The following SHROOM3 variants were observed in gnomAD, a reference collection of about 807,000 sequenced individuals.
SHROOM3 encodes the protein protein Shroom3.
In SHROOM3, 47 loss-of-function variants were observed where a neutral mutation model predicts 138.6. The observed-to-expected ratio is 0.34, with a 90% CI of 0.27 to 0.43. The LOEUF (loss-of-function observed/expected upper bound fraction) is 0.43, where lower values mean the gene tolerates loss of function less well. SHROOM3 is among the 20% of genes least tolerant of loss of function. The pLI is 1.00. For synonymous variants in SHROOM3, 1,062 were observed against 1,063.3 expected (o/e 1.00, Z 0.02); for missense variants, 2,491 against 2,596.5 (o/e 0.96, Z 0.88).
At chr4:76,682,866 T>C (rs912908705) in intron 2 of SHROOM3, among the ~76,000 whole-genome samples, 1 of 152,206 alleles carries the variant, frequency 6.6e-6, no homozygotes, top group South Asian at 2.1e-4. Context: ...GTTGGTGACA[T>C]AGCAATGACA....
At chr4:76,764,182 G>T (rs969603584) in intron 9 of SHROOM3, among the ~76,000 whole-genome samples, 2 of 151,314 alleles carry the variant, frequency 1.3e-5, no homozygotes, top group Admixed American at 6.6e-5. Context: ...CCAAGTAAAT[G>T]TAAGTATCAG....
chr4:76,752,063 C>T (rs1159567127), intron 6 of SHROOM3, among the ~76,000 whole-genome samples: 1 of 152,164 alleles, frequency 6.6e-6, no homozygotes, highest in African/African-American at 2.4e-5. Flanking sequence ...TGGAAACAAC[C>T]CAAATGTCTA....
rs942131056 is a variant in SHROOM3, at chr4:76,740,803, G to T, written c.2630G>T (p.Gly877Val). The T allele has an allele frequency of 1.2e-6, 2 of 1,608,282 alleles. No individual in the cohort carries two copies. The highest frequency in any genetic ancestry group is 1.3e-5 in the African/African-American group (1 of 74,714). ...GGAGGAGCGTCGGACAGCGGCCGTGGCCCCCAGAGGCCGGACGCTCGGCTC... is the reference window on the plus strand; with the variant it reads ...GGAGGAGCGTCGGACAGCGGCCGTGTCCCCCAGAGGCCGGACGCTCGGCTC... Reference protein sequence around the residue: ...LSGGASDSGRGPQRPDARLLR... With the variant: ...LSGGASDSGRVPQRPDARLLR... Residue 877 changes from glycine to valine, a missense_variant, in exon 5 of 11, where the codon GGC becomes GTC. Physicochemically the swap from Gly to Val is moderately radical, Grantham distance 109. Coordinates refer to ENST00000296043, the MANE Select transcript of SHROOM3 (RefSeq NM_020859.4). The surrounding 1 kb of genome is among the most constrained non-coding windows in gnomAD (Gnocchi z 4.0).
intron 2 of SHROOM3, among the ~76,000 whole-genome samples, chr4:76,562,835 T>A (rs1733627929): frequency 6.6e-6 from 1 of 152,224 alleles, no homozygotes; most frequent in African/African-American, 2.4e-5. Context: ...GGAACAGAAC[T>A]CCCTATTTTT....
intron 2 of SHROOM3, among the ~76,000 whole-genome samples, chr4:76,638,153 C>A (rs1735556205): frequency 6.6e-6 from 1 of 152,054 alleles, no homozygotes. Flanking sequence ...TTTTTAATAG[C>A]ACCAAATGTG....
At chr4:76,754,152 TC>T (rs1225917132) in intron 6 of SHROOM3, among the ~76,000 whole-genome samples, 158 bp from the exon 7 acceptor site, 3 of 152,192 alleles carry the variant, frequency 2.0e-5, no homozygotes, top group Non-Finnish European at 2.9e-5. Flanking sequence ...ACTTGGGTCT[TC>T]CTGTGAGCAG....
intron 2 of SHROOM3, among the ~76,000 whole-genome samples, chr4:76,609,014 G>A (rs1734707354): frequency 6.6e-6 from 1 of 152,030 alleles, no homozygotes; most frequent in East Asian, 1.9e-4. Flanking sequence ...AAACTTAGGG[G>A]TATAGGAGAA....
At chr4:76,730,783 G>A (rs1257568376) in intron 3 of SHROOM3, 21 bp from the exon 4 acceptor site, 1 of 1,613,668 alleles carries the variant, frequency 6.2e-7, no homozygotes. Flanking sequence ...ATGTTGGGGG[G>A]TCCCTCCTGT....
chr4:76,667,791 AC>A (rs1718744279), intron 2 of SHROOM3, among the ~76,000 whole-genome samples: 1 of 149,280 alleles, frequency 6.7e-6, no homozygotes, highest in South Asian at 2.1e-4. Context: ...ACACGCTGAA[AC>A]CCCGCCTCTA....
chr4:76,599,539 A>G (rs2110054079), intron 2 of SHROOM3, among the ~76,000 whole-genome samples: 1 of 152,298 alleles, frequency 6.6e-6, no homozygotes, highest in Middle Eastern at 3.4e-3. Context: ...TTTTTGGAGA[A>G]AGCAGTTTTT....
chr4:76,756,446 C>T lies in SHROOM3; in HGVS notation c.4710-3C>T. The T allele has an allele frequency of 6.2e-7, 1 of 1,600,240 alleles. No homozygotes were observed. On this transcript the variant is annotated splice_polypyrimidine_tract_variant and splice_region_variant and intron_variant, in intron 7 of 10. Transcript: ENST00000296043. The stretch of plus-strand genomic sequence containing the variant: ...TTTTTTTTTTTTTAAATATCCCTGG[C>T]AGCTTCAACAAACTTTCTAAAGTGA...
rs748721181 is a variant in SHROOM3 at position 76,739,568 on chromosome 4, C to G, written c.1395C>G (p.Thr465=). ...KAQPGQPLLP[T]SIYPVPSLEP... ...AACCTGGCCAACCTCTGCTGCCGACCAGCATCTACCCGGTACCTTCCCTGG... is the reference window on the plus strand; with the variant it reads ...AACCTGGCCAACCTCTGCTGCCGACGAGCATCTACCCGGTACCTTCCCTGG... Residue 465 remains threonine, a synonymous_variant, in exon 5 of 11, where the codon ACC becomes ACG. Transcript: ENST00000296043. The G allele has an allele frequency of 8.7e-6, 14 of 1,614,092 alleles. No homozygotes were observed. In the African/African-American group the frequency reaches 1.9e-4, roughly 22 times the overall value.
chr4:76,609,568 G>A (rs922963644), intron 2 of SHROOM3, among the ~76,000 whole-genome samples: 2 of 152,158 alleles, frequency 1.3e-5, no homozygotes, highest in Non-Finnish European at 2.9e-5. Flanking sequence ...ATTGCAACTG[G>A]CCCTCAGAAT....
At chr4:76,563,922 A>G (rs964903603) in intron 2 of SHROOM3, among the ~76,000 whole-genome samples, 1 of 152,178 alleles carries the variant, frequency 6.6e-6, no homozygotes, top group Non-Finnish European at 1.5e-5. Flanking sequence ...TCCTGTATGA[A>G]GGGGCAGGAA....
At chr4:76,597,635 G>T (rs1342379974) in intron 2 of SHROOM3, among the ~76,000 whole-genome samples, 1 of 152,194 alleles carries the variant, frequency 6.6e-6, no homozygotes, top group Non-Finnish European at 1.5e-5. Context: ...AAAACGTTCA[G>T]TGACAGATCT....
chr4:76,702,579 A>G (rs987497453), intron 2 of SHROOM3, among the ~76,000 whole-genome samples: 1 of 152,238 alleles, frequency 6.6e-6, no homozygotes, highest in African/African-American at 2.4e-5. Context: ...TGACAGAGCC[A>G]GAACAGGACC....
intron 2 of SHROOM3, among the ~76,000 whole-genome samples, chr4:76,692,049 G>A (rs1052457854): frequency 5.3e-5 from 8 of 152,114 alleles, no homozygotes; most frequent in Admixed American, 3.3e-4. Context: ...CTCCCCTTCT[G>A]TAGTATCACT....
At chr4:76,710,000 T>G in intron 2 of SHROOM3, 156 bp from the exon 3 acceptor site, 1 of 848,344 alleles carries the variant, frequency 1.2e-6, no homozygotes, top group Non-Finnish European at 1.9e-6. Context: ...GCAGAGAACT[T>G]TGTTAGGTGC....
intron 5 of SHROOM3, among the ~76,000 whole-genome samples, chr4:76,744,822 A>G (rs1469852936): frequency 6.6e-6 from 1 of 152,248 alleles, no homozygotes; most frequent in Non-Finnish European, 1.5e-5. Context: ...CTGACAGGGC[A>G]GGATTTTACA....
Sources: gnomAD v4.1 joint callset for allele counts (sites outside exome capture counted in the v4.1 genomes callset) on GRCh38, gnomAD v4.1.1 for gene constraint, Gnocchi (gnomAD v3.1) non-coding constraint, MANE v1.5 for transcripts, NCBI Gene and HGNC (gene_info 2026-07-23, HGNC 2026-07-21) for gene names.